The following ATOSA variants were observed in gnomAD, a reference collection of about 807,000 sequenced individuals.
ATOSA encodes atos homolog protein A.
chr15:52,607,663 G>C, the ATOSA span, among the ~76,000 whole-genome samples: 1 of 152,100 alleles, frequency 6.6e-6, no homozygotes, highest in African/African-American at 2.4e-5. Context: ...TACCCTATTA[G>C]GTTGGTGCAA....
chr15:52,706,117 C>A, the ATOSA span, among the ~76,000 whole-genome samples: 1 of 152,192 alleles, frequency 6.6e-6, no homozygotes, highest in Non-Finnish European at 1.5e-5. Flanking sequence ...GGGAATTACA[C>A]TTCTGTGAGT....
the ATOSA span, chr15:52,611,050 T>C: frequency 1.4e-6 from 2 of 1,445,702 alleles, no homozygotes; most frequent in South Asian, 1.5e-5. Flanking sequence ...AAATAATCTA[T>C]TTAAAAGGTA....
At chr15:52,646,555 T>C in the ATOSA span, among the ~76,000 whole-genome samples, 1 of 152,276 alleles carries the variant, frequency 6.6e-6, no homozygotes, top group Admixed American at 6.5e-5. Context: ...AAAGGGATAC[T>C]GGGTACTGTC....
chr15:52,652,158 T>A, the ATOSA span: 1 of 1,012,728 alleles, frequency 9.9e-7, no homozygotes, highest in Non-Finnish European at 1.3e-6. Flanking sequence ...GCTTCCTGTC[T>A]ACTTGGCAGC....
At chr15:52,588,127 G>A in the ATOSA span, among the ~76,000 whole-genome samples, 9 of 152,172 alleles carry the variant, frequency 5.9e-5, no homozygotes, top group Non-Finnish European at 1.3e-4. Context: ...AGCATCATCA[G>A]CATCACTTGT....
the ATOSA span, among the ~76,000 whole-genome samples, chr15:52,671,388 T>C: frequency 1.3e-5 from 2 of 152,206 alleles, no homozygotes; most frequent in East Asian, 1.9e-4. Flanking sequence ...GCTACCCAGC[T>C]GCTCCTATTC....
chr15:52,581,654 A>G, the ATOSA span: 1 of 152,818 alleles, frequency 6.5e-6, no homozygotes, highest in Non-Finnish European at 1.5e-5. Flanking sequence ...ACATGCTTGC[A>G]TAGTGTGTTA....
the ATOSA span, among the ~76,000 whole-genome samples, chr15:52,685,928 T>A: frequency 6.6e-6 from 1 of 152,214 alleles, no homozygotes; most frequent in Admixed American, 6.5e-5. Context: ...GTTCTCGCTA[T>A]GTTGTCCAGG....
the ATOSA span, among the ~76,000 whole-genome samples, chr15:52,654,555 C>G: frequency 1.3e-5 from 2 of 152,172 alleles, no homozygotes; most frequent in Non-Finnish European, 2.9e-5. Context: ...TCCCCAATCA[C>G]AACAAACCTC....
the ATOSA span, chr15:52,611,698 A>AG: frequency 6.2e-7 from 1 of 1,614,032 alleles, no homozygotes; most frequent in Non-Finnish European, 8.5e-7. Context: ...GTCTGGTAGT[A>AG]GCATCATTTC....
the ATOSA span, chr15:52,600,122 A>T: frequency 1.3e-6 from 2 of 1,546,260 alleles, no homozygotes; most frequent in Non-Finnish European, 8.9e-7. Context: ...TTCAAAGCAC[A>T]TTACCTCAAA....
chr15:52,627,473 A>C, the ATOSA span, among the ~76,000 whole-genome samples: 68 of 152,310 alleles, frequency 4.5e-4, no homozygotes, highest in African/African-American at 1.6e-3. Context: ...CAATAAATAT[A>C]TAAGCAAAAT....
At chr15:52,634,196 G>C in the ATOSA span, among the ~76,000 whole-genome samples, 2 of 152,172 alleles carry the variant, frequency 1.3e-5, no homozygotes, top group East Asian at 3.9e-4. Context: ...ACTTTGGGAG[G>C]CCAGGCTGGG....
At chr15:52,675,963 T>C in the ATOSA span, among the ~76,000 whole-genome samples, 1 of 151,446 alleles carries the variant, frequency 6.6e-6, no homozygotes, top group Non-Finnish European at 1.5e-5. Flanking sequence ...AGTACGGTTA[T>C]CTAATTATCT....
At chr15:52,700,361 T>G in the ATOSA span, among the ~76,000 whole-genome samples, 3 of 152,074 alleles carry the variant, frequency 2.0e-5, 1 homozygote. Context: ...GTGTAGGAGT[T>G]CAAAACTAGT....
chr15:52,618,697 T>C, the ATOSA span, among the ~76,000 whole-genome samples: 2 of 152,186 alleles, frequency 1.3e-5, no homozygotes, highest in African/African-American at 4.8e-5. Context: ...TTCTTCTTCT[T>C]TTTTAGAGAC....
the ATOSA span, among the ~76,000 whole-genome samples, chr15:52,595,952 A>T: frequency 1.3e-5 from 2 of 152,026 alleles, no homozygotes; most frequent in African/African-American, 4.8e-5. Flanking sequence ...TTCTACAAAA[A>T]TTTTTTAAAA....
At chr15:52,585,707 GAAT>G in the ATOSA span, among the ~76,000 whole-genome samples, 1 of 152,120 alleles carries the variant, frequency 6.6e-6, no homozygotes, top group African/African-American at 2.4e-5. Context: ...GCTTGGTTAT[GAAT>G]AATTGAAGGA....
the ATOSA span, chr15:52,677,971 TG>T: frequency 6.2e-7 from 1 of 1,613,702 alleles, no homozygotes; most frequent in Non-Finnish European, 8.5e-7. Context: ...AAGAAGGGGG[TG>T]GGGGAACAAG....
Sources: gnomAD v4.1 joint callset for allele counts (sites outside exome capture counted in the v4.1 genomes callset) on GRCh38, gnomAD v4.1.1 for gene constraint, MANE v1.5 for transcripts, NCBI Gene and HGNC (gene_info 2026-07-23, HGNC 2026-07-21) for gene names.